Variants in ITGA8 observed in about 807,000 individuals in gnomAD.
The protein encoded by ITGA8 is integrin alpha-8.
ITGA8 carries 91 observed loss-of-function variants against 142.3 expected under a neutral mutation model. The observed-to-expected ratio is 0.64, with a 90% CI of 0.54 to 0.76. The LOEUF is 0.76. Among genes scored for constraint, ITGA8 ranks in the 30% least tolerant of loss-of-function variants. The pLI is 0.00. For synonymous variants in ITGA8, 505 were observed against 485.2 expected (o/e 1.04, Z -0.54); for missense variants, 1,406 against 1,327.7 (o/e 1.06, Z -0.92).
At chr10:15,558,019 G>C in intron 26 of ITGA8, 55 bp downstream of exon 26, 1 of 1,598,380 alleles carries the variant, frequency 6.3e-7, no homozygotes, top group African/African-American at 1.3e-5. Context: ...TGTATTTGAG[G>C]GTTCTATCCA....
intron 25 of ITGA8, among the ~76,000 whole-genome samples, chr10:15,570,520 G>A (rs1294700421): frequency 6.9e-6 from 1 of 145,312 alleles, no homozygotes; most frequent in African/African-American, 2.6e-5. Flanking sequence ...TGAGGCAGGA[G>A]AATTGCTTGA....
chr10:15,614,400 G>T (rs1257143680), intron 14 of ITGA8, among the ~76,000 whole-genome samples: 1 of 152,094 alleles, frequency 6.6e-6, no homozygotes, highest in African/African-American at 2.4e-5. Context: ...CAAATTCTAT[G>T]CCCAGGCCCT....
chr10:15,684,265 G>C, intron 3 of ITGA8, 138 bp from the exon 4 acceptor site: 4 of 750,524 alleles, frequency 5.3e-6, no homozygotes, highest in Non-Finnish European at 8.2e-6. Context: ...TGAGTGCCTT[G>C]GTCATCAGAG....
At chr10:15,575,462 C>A (rs749490420) in intron 24 of ITGA8, 27 bp downstream of exon 24, 1 of 1,498,452 alleles carries the variant, frequency 6.7e-7, no homozygotes, top group Non-Finnish European at 9.3e-7. Flanking sequence ...AAACCCCTAA[C>A]ACAACTTTAA....
chr10:15,626,451 T>C (rs1343127624), intron 13 of ITGA8, among the ~76,000 whole-genome samples: 1 of 152,086 alleles, frequency 6.6e-6, no homozygotes, highest in Non-Finnish European at 1.5e-5. Context: ...GAACTCCTGA[T>C]CTCGTAATCC....
At chr10:15,704,849 T>C (rs1335915586) in intron 2 of ITGA8, among the ~76,000 whole-genome samples, 1 of 152,214 alleles carries the variant, frequency 6.6e-6, no homozygotes, top group Non-Finnish European at 1.5e-5. Context: ...CTGTATAAAT[T>C]TGCCTCCCAA....
intron 26 of ITGA8, among the ~76,000 whole-genome samples, chr10:15,555,836 C>T (rs1833877238): frequency 6.6e-6 from 1 of 151,724 alleles, no homozygotes; most frequent in South Asian, 2.1e-4. Flanking sequence ...GCTGGGACTA[C>T]AGGCACCCAC....
chr10:15,689,657 G>A (rs900770779), intron 2 of ITGA8, among the ~76,000 whole-genome samples: 1 of 152,180 alleles, frequency 6.6e-6, no homozygotes, highest in African/African-American at 2.4e-5. Context: ...GAGCCATCTG[G>A]AAACAGGAGC....
At chr10:15,663,915 C>A (rs571644798) in intron 8 of ITGA8, among the ~76,000 whole-genome samples, 1 of 152,104 alleles carries the variant, frequency 6.6e-6, no homozygotes, top group Non-Finnish European at 1.5e-5. Flanking sequence ...AATAATTTGG[C>A]ATGTTTTACA....
chr10:15,664,781 C>G (rs1347821037), intron 8 of ITGA8, among the ~76,000 whole-genome samples: 1 of 150,864 alleles, frequency 6.6e-6, no homozygotes, highest in Non-Finnish European at 1.5e-5. Context: ...GTTTTTTGTC[C>G]TTGTGATAGT....
intron 21 of ITGA8, among the ~76,000 whole-genome samples, chr10:15,596,209 G>C (rs974244013): frequency 6.6e-6 from 1 of 152,166 alleles, no homozygotes; most frequent in Non-Finnish European, 1.5e-5. Flanking sequence ...AGTCTCATCT[G>C]TTATTCATTT....
rs1375543146 is a variant in ITGA8 at position 15,621,840 on chromosome 10, C to A, written c.1400-5281G>T. ...TATGATGGTGCCACTGCACTCCAGC[C>A]TGTGAAACATAGTGAGACCCCATTA... On this transcript the variant is annotated intron_variant, in intron 13 of 29. Transcript: ENST00000378076. Among the ~76,000 whole-genome samples, 4 of 152,128 alleles carry A rather than the reference C, an allele frequency of 2.6e-5. No homozygotes were observed. The East Asian group carries it at 7.8e-4, about 29-fold the overall frequency.
In ITGA8 at chr10:15,575,510, T is replaced by G. The variant is rs1476619794; in HGVS notation, c.2457A>C (p.Pro819=). ...CTACCTCATAAATATGTTCCACCAA[T>G]GGTCCAACCTCCTCCTCTTTGTGGG... ...EEPHKEEEVG[P]LVEHIYELHN... Residue 819 remains proline (P), a synonymous_variant, in exon 24 of 30, where the codon CCA becomes CCC. Transcript: ENST00000378076. 4 of 1,613,620 alleles carry G rather than the reference T, an allele frequency of 2.5e-6. No individual in the cohort carries two copies. The highest frequency in any genetic ancestry group is 4.5e-5 in the East Asian group (2 of 44,886).
rs1460319400 is a variant in ITGA8, at chr10:15,516,617, G to A, written c.*541C>T. 1 of 152,174 alleles carries A rather than the reference G, an allele frequency of 6.6e-6. No individual in the cohort carries two copies. Among genetic ancestry groups the A allele is most frequent in the Admixed American group, 6.5e-5 (1 of 15,276 alleles). The allele number at this position is 152,174 out of a possible 1,614,324, so 9.4% of individuals were successfully genotyped here. A position where few individuals can be genotyped will look rare whatever the true frequency, so the allele number is the denominator to read the frequency against. On this transcript the variant is annotated 3_prime_UTR_variant, in exon 30 of 30. Transcript: ENST00000378076. ...CAAGATTATTTTTGTCCTTTCAAAA[G>A]TACTTTCACAGTACCAACAACATAT... is the stretch of plus-strand genomic sequence containing the variant.
intron 25 of ITGA8, among the ~76,000 whole-genome samples, chr10:15,563,876 C>T (rs1317086894): frequency 1.3e-5 from 2 of 151,480 alleles, no homozygotes; most frequent in African/African-American, 2.4e-5. Context: ...AAGATAGTGC[C>T]ACTGCACTCT....
chr10:15,514,306 T>A lies in ITGA8; in HGVS notation c.*2852A>T, dbSNP rs1361099457. Reference sequence around the variant, plus strand: ...CTCAGTGTGTTCTCTGTCGTCAGTATGTTCTCTGGGCAGAACGGATTGCTG... The same window carrying A: ...CTCAGTGTGTTCTCTGTCGTCAGTAAGTTCTCTGGGCAGAACGGATTGCTG... On this transcript the variant is annotated 3_prime_UTR_variant, in exon 30 of 30. Coordinates refer to ENST00000378076, the MANE Select transcript of ITGA8 (RefSeq NM_003638.3). The A allele has an allele frequency of 6.6e-6, 1 of 152,246 alleles. No homozygotes were observed. The highest frequency in any genetic ancestry group is 2.4e-5 in the African/African-American group (1 of 41,472). The allele number at this position is 152,246 out of a possible 1,614,324, so 9.4% of individuals were successfully genotyped here.
chr10:15,583,936 C>T, intron 23 of ITGA8, among the ~76,000 whole-genome samples: 1 of 152,126 alleles, frequency 6.6e-6, no homozygotes, highest in East Asian at 1.9e-4. Flanking sequence ...GGATTAGTGA[C>T]TAAACTCTAG....
chr10:15,716,008 T>C (rs1324424606), intron 2 of ITGA8, among the ~76,000 whole-genome samples: 4 of 152,322 alleles, frequency 2.6e-5, no homozygotes, highest in African/African-American at 9.6e-5. Context: ...GGGCCCATAG[T>C]ACCCCCTGAT....
chr10:15,633,706 C>A (rs1404631444), intron 13 of ITGA8, among the ~76,000 whole-genome samples: 1 of 152,166 alleles, frequency 6.6e-6, no homozygotes, highest in East Asian at 1.9e-4. Flanking sequence ...AGGCACGAGC[C>A]ACCATGCCCA....
Sources: allele counts gnomAD v4.1 joint callset (sites outside exome capture counted in the v4.1 genomes callset), GRCh38; gene constraint gnomAD v4.1.1; transcripts MANE v1.5; gene names NCBI Gene and HGNC (gene_info 2026-07-23, HGNC 2026-07-21).